Variants in PBX3 observed in about 807,000 individuals in gnomAD.
PBX3 encodes pre-B-cell leukemia transcription factor 3.
A neutral mutation model predicts 48.5 loss-of-function variants in PBX3; 14 were observed. The ratio of observed to expected loss-of-function variants is 0.29; its 90% CI spans 0.19 to 0.45. The LOEUF (loss-of-function observed/expected upper bound fraction) is 0.45. Ranked by LOEUF, PBX3 falls within the 20% of genes least tolerant of loss-of-function variation. The pLI, the probability that PBX3 is intolerant of heterozygous loss-of-function variation, is 1.00. For missense variants in PBX3, 386 were observed against 546.7 expected (o/e 0.71, Z 2.93); for synonymous variants, 210 against 200.3 (o/e 1.05, Z -0.41).
At chr9:125,787,360 T>A (rs1389378333) in intron 2 of PBX3, among the ~76,000 whole-genome samples, 3 of 151,922 alleles carry the variant, frequency 2.0e-5, no homozygotes, top group African/African-American at 4.8e-5. Context: ...CTTCAGTAAG[T>A]TGGGCTGTGA....
chr9:125,748,281 C>G (rs1332640297), intron 1 of PBX3: 1 of 1,088,116 alleles, frequency 9.2e-7, no homozygotes. Flanking sequence ...GGGCGAGGCT[C>G]CCCGCGCGGG....
At position 125,759,439 on chromosome 9, in the gene PBX3, G is replaced by A. The variant is rs1331598509; in HGVS notation, c.274+10816G>A. Among the ~76,000 whole-genome samples, 1 of 152,190 alleles carries A rather than the reference G, an allele frequency of 6.6e-6. No individual in the cohort carries two copies. Among genetic ancestry groups the A allele is most frequent in the Non-Finnish European group, 1.5e-5 (1 of 68,036 alleles). On this transcript the variant is annotated intron_variant, in intron 2 of 8. Coordinates refer to ENST00000373489, the MANE Select transcript of PBX3 (RefSeq NM_006195.6). The surrounding 1 kb of genome is among the most constrained non-coding windows in gnomAD (Gnocchi z 4.2). ...AATGTACTTCCTATTTGTTGTGCAA[G>A]GGAATTGGAACAGTGAGGCATTTAT...
chr9:125,874,411 C>T lies in PBX3; in HGVS notation c.275-41275C>T, dbSNP rs553427051. 4.6e-5 allele frequency among the ~76,000 whole-genome samples: 7 copies of T among 152,068 alleles called. No individual in the cohort carries two copies. The East Asian group carries it at 5.8e-4, about 13-fold the overall frequency. On this transcript the variant is annotated intron_variant, in intron 2 of 8. Coordinates refer to ENST00000373489, the MANE Select transcript of PBX3 (RefSeq NM_006195.6). ...GAAAATGACAGGCTAGTCTTATTCA[C>T]GATATAGATGGAAAAACTCAAAACA...
chr9:125,860,083 A>C (rs1442590084), intron 2 of PBX3, among the ~76,000 whole-genome samples: 3 of 152,222 alleles, frequency 2.0e-5, no homozygotes, highest in Non-Finnish European at 4.4e-5. Context: ...TTAAAACAGC[A>C]GTTTATTTCT....
intron 2 of PBX3, among the ~76,000 whole-genome samples, chr9:125,882,214 C>T (rs1314507754): frequency 3.3e-5 from 5 of 151,288 alleles, no homozygotes; most frequent in African/African-American, 1.2e-4. Context: ...GACAGGGAGA[C>T]CCTGTCTCAC....
At chr9:125,758,292 G>T (rs1836574621) in intron 2 of PBX3, among the ~76,000 whole-genome samples, 1 of 151,288 alleles carries the variant, frequency 6.6e-6, no homozygotes, top group Non-Finnish European at 1.5e-5. Context: ...CATCAAACCA[G>T]TTTCCTTTTT....
intron 2 of PBX3, among the ~76,000 whole-genome samples, chr9:125,798,652 C>A (rs1588156483): frequency 6.6e-6 from 1 of 151,958 alleles, no homozygotes; most frequent in African/African-American, 2.4e-5. Flanking sequence ...AAAAATAGAA[C>A]CTTTAATGTA....
At position 125,780,455 on chromosome 9, in the gene PBX3, G is replaced by A. The variant is rs1357785977; in HGVS notation, c.274+31832G>A. ...TCCCTCCCAGACGGGGCGGCTGGCC[G>A]GGCGGGGGGCTGACCCCCCCCACCT... On this transcript the variant is annotated intron_variant, in intron 2 of 8. Coordinates refer to ENST00000373489, the MANE Select transcript of PBX3 (RefSeq NM_006195.6). Among the ~76,000 whole-genome samples the A allele has an allele frequency of 4.0e-3, 502 of 124,076 alleles. 4 individuals carry two copies. The highest frequency in any genetic ancestry group is 0.016 in the African/African-American group (464 of 28,202). 81.4% of individuals were successfully genotyped at this position (124,076 alleles called of 152,430 possible). A position where few individuals can be genotyped will look rare whatever the true frequency, so the allele number is the denominator to read the frequency against.
At chr9:125,776,399 A>G (rs1683170642) in intron 2 of PBX3, among the ~76,000 whole-genome samples, 1 of 152,148 alleles carries the variant, frequency 6.6e-6, no homozygotes, top group South Asian at 2.1e-4. Flanking sequence ...CCATTTGGTC[A>G]TAATGTGAAA....
intron 2 of PBX3, among the ~76,000 whole-genome samples, chr9:125,856,704 A>C (rs1371279009): frequency 1.3e-5 from 2 of 152,216 alleles, no homozygotes; most frequent in Non-Finnish European, 2.9e-5. Context: ...TGTTAGACAT[A>C]ATAAATCAAT....
At position 125,805,336 on chromosome 9, in the gene PBX3, A is replaced by G. The variant is rs142086481; in HGVS notation, c.274+56713A>G. On this transcript the variant is annotated intron_variant, in intron 2 of 8. Coordinates refer to ENST00000373489, the MANE Select transcript of PBX3 (RefSeq NM_006195.6). ...GTATGAGATGAGGTTGGGCAGATGA[A>G]TAGGAGCCATGTGATGCAGGGGGTT... Among the ~76,000 whole-genome samples the G allele has an allele frequency of 1.4e-4, 21 of 152,274 alleles. No individual in the cohort carries two copies. In the East Asian group the frequency reaches 4.0e-3, roughly 29 times the overall value.
intron 2 of PBX3, among the ~76,000 whole-genome samples, chr9:125,810,551 T>C (rs1838260771): frequency 6.6e-6 from 1 of 152,190 alleles, no homozygotes; most frequent in African/African-American, 2.4e-5. Flanking sequence ...GTGGAACTTT[T>C]TGGCCAGTTT....
intron 2 of PBX3, among the ~76,000 whole-genome samples, chr9:125,834,553 C>T (rs114782442): frequency 0.034 from 5,196 of 151,418 alleles, 315 homozygotes; most frequent in African/African-American, 0.12. Context: ...ACCACCACTG[C>T]GACCGGCTAA....
At chr9:125,830,322 T>C (rs182017873) in intron 2 of PBX3, among the ~76,000 whole-genome samples, 130 of 152,254 alleles carry the variant, frequency 8.5e-4, no homozygotes, top group Non-Finnish European at 4.7e-4. Context: ...AATAGAACTA[T>C]GAAGAATTAT....
intron 2 of PBX3, among the ~76,000 whole-genome samples, chr9:125,909,268 T>A (rs1201777946): frequency 1.3e-5 from 2 of 152,144 alleles, no homozygotes; most frequent in African/African-American, 4.8e-5. Context: ...CAGCCAACAG[T>A]ACTTTCAGAT....
intron 2 of PBX3, among the ~76,000 whole-genome samples, chr9:125,853,752 G>C (rs1033309381): frequency 6.6e-6 from 1 of 152,136 alleles, no homozygotes; most frequent in African/African-American, 2.4e-5. Context: ...TGTACCTGCT[G>C]TTTTTCAGAA....
chr9:125,965,468 A>T (rs1842511583), intron 8 of PBX3, among the ~76,000 whole-genome samples: 1 of 152,156 alleles, frequency 6.6e-6, no homozygotes, highest in South Asian at 2.1e-4. Flanking sequence ...GACTTCATGG[A>T]GCCCTGGGTT....
At chr9:125,828,094 A>G (rs1838858851) in intron 2 of PBX3, among the ~76,000 whole-genome samples, 2 of 152,084 alleles carry the variant, frequency 1.3e-5, no homozygotes, top group African/African-American at 2.4e-5. Context: ...TGTATTTTGT[A>G]TTTTTAGGAG....
chr9:125,891,367 A>C (rs1209200078), intron 2 of PBX3, among the ~76,000 whole-genome samples: 3 of 152,238 alleles, frequency 2.0e-5, no homozygotes, highest in African/African-American at 7.2e-5. Flanking sequence ...AATCATTAGA[A>C]GTTGATATCT....
Sources: gnomAD v4.1 joint callset for allele counts (sites outside exome capture counted in the v4.1 genomes callset) on GRCh38, gnomAD v4.1.1 for gene constraint, Gnocchi (gnomAD v3.1) non-coding constraint, MANE v1.5 for transcripts, NCBI Gene and HGNC (gene_info 2026-07-23, HGNC 2026-07-21) for gene names.